Variants in ZSCAN2 observed in about 807,000 individuals in gnomAD.
ZSCAN2 encodes the protein zinc finger and SCAN domain containing 2, also known as zinc finger and SCAN domain-containing protein 2.
A neutral mutation model predicts 47.8 loss-of-function variants in ZSCAN2; 26 were observed. The observed-to-expected ratio is 0.54, with a 90% CI of 0.40 to 0.75. The LOEUF (loss-of-function observed/expected upper bound fraction) is 0.75, where lower values mean the gene tolerates loss of function less well. Ranked by LOEUF, ZSCAN2 falls within the 30% of genes least tolerant of loss-of-function variation. The probability of loss-of-function intolerance (pLI) is 0.00; values close to 1 mark genes in which losing one functional copy is unlikely to be tolerated. For missense variants in ZSCAN2, 732 were observed against 785.4 expected, an observed-to-expected ratio of 0.93 and a Z score of 0.81; for synonymous variants, 305 against 288.7, an observed-to-expected ratio of 1.06 and a Z score of -0.57.
chr15:84,609,798 C>T (rs1016446082), intron 2 of ZSCAN2, among the ~76,000 whole-genome samples: 3 of 152,190 alleles, frequency 2.0e-5, no homozygotes, highest in Admixed American at 2.0e-4. Flanking sequence ...GGGTAGGACA[C>T]AATCAGGCAG....
chr15:84,623,387 C>A lies in ZSCAN2; in HGVS notation c.*1347C>A. 5.3e-6 allele frequency: 1 copy of A among 190,220 alleles called. No individual in the cohort carries two copies. Among genetic ancestry groups the A allele is most frequent in the Non-Finnish European group, 1.2e-5 (1 of 80,260 alleles). 11.8% of individuals were successfully genotyped at this position (190,220 alleles called of 1,614,324 possible). Reference sequence around the variant, plus strand: ...GATTACAGGCGTGAGCCAGCGCACCCGGCCAAGAACATTATTTTTAAAGAA... The same window carrying A: ...GATTACAGGCGTGAGCCAGCGCACCAGGCCAAGAACATTATTTTTAAAGAA... On this transcript the variant is annotated 3_prime_UTR_variant, in exon 3 of 3. Transcript: ENST00000546148.
chr15:84,606,845 T>G, intron 2 of ZSCAN2: 1 of 1,218,406 alleles, frequency 8.2e-7, no homozygotes, highest in Non-Finnish European at 1.0e-6. Flanking sequence ...AGATTGTCTT[T>G]GTTGGTCTTT....
intron 2 of ZSCAN2, among the ~76,000 whole-genome samples, chr15:84,612,523 AG>A: frequency 6.6e-6 from 1 of 152,324 alleles, no homozygotes; most frequent in East Asian, 1.9e-4. Context: ...TCACGAGGTC[AG>A]GAGATCGAGA....
chr15:84,606,540 G>T (rs2271433), intron 2 of ZSCAN2: 1,392,849 of 1,613,110 alleles, frequency 0.86, 602,403 homozygotes, highest in African/African-American at 0.97. Context: ...TGTAGCTGTC[G>T]TTGCTTCCCT....
At chr15:84,615,140 G>C (rs1416717920) in intron 2 of ZSCAN2, among the ~76,000 whole-genome samples, 5 of 152,032 alleles carry the variant, frequency 3.3e-5, no homozygotes. Flanking sequence ...TTTTTTAGTA[G>C]AGACGGGGTT....
At chr15:84,601,690 A>G (rs1202118252) in intron 1 of ZSCAN2, among the ~76,000 whole-genome samples, 1 of 149,990 alleles carries the variant, frequency 6.7e-6, no homozygotes, top group Non-Finnish European at 1.5e-5. Flanking sequence ...AGTCTTTATG[A>G]TGTAGTAATG....
intron 1 of ZSCAN2, chr15:84,602,379 C>T (rs1004853001): frequency 2.6e-5 from 4 of 152,058 alleles, no homozygotes; most frequent in African/African-American, 9.7e-5. Flanking sequence ...TAATCTTTGT[C>T]AATATAATTT....
chr15:84,619,243 A>C (rs572214551), intron 2 of ZSCAN2, among the ~76,000 whole-genome samples: 1 of 152,144 alleles, frequency 6.6e-6, no homozygotes, highest in Non-Finnish European at 1.5e-5. Context: ...CATCCTGGCT[A>C]ACATGGTGAA....
rs746428632 is a variant in ZSCAN2, at chr15:84,621,673, A to G, written c.1478A>G (p.Gln493Arg). The stretch of plus-strand genomic sequence containing the variant: ...TGGAGCTCCAACCTCCTCAAGCACC[A>G]GAGGATCCACACGGGAGAGAAACCC... ...FSWSSNLLKHQRIHTGEKPYK... is the reference protein window; with the variant it reads ...FSWSSNLLKHRRIHTGEKPYK... The change falls in exon 3 of 3, where the codon CAG (glutamine) becomes CGG (arginine). Residue 493 changes from glutamine to arginine, a missense_variant. Coordinates refer to ENST00000546148, the MANE Select transcript of ZSCAN2 (RefSeq NM_181877.4). This position sits in a 1 kb window ranked among gnomAD's most constrained non-coding sequence, Gnocchi z 5.7. 6.2e-7 allele frequency: 1 copy of G among 1,611,212 alleles called. No homozygotes were observed. The highest frequency in any genetic ancestry group is 8.5e-7 in the Non-Finnish European group (1 of 1,179,228).
At chr15:84,619,248 G>A (rs921301987) in intron 2 of ZSCAN2, among the ~76,000 whole-genome samples, 3 of 152,066 alleles carry the variant, frequency 2.0e-5, no homozygotes, top group East Asian at 1.9e-4. Context: ...TGGCTAACAT[G>A]GTGAAACCCC....
chr15:84,611,922 T>G (rs1372699686), intron 2 of ZSCAN2: 1 of 152,236 alleles, frequency 6.6e-6, no homozygotes, highest in Non-Finnish European at 1.5e-5. Context: ...AAAAAAATTT[T>G]TTTTTAATTC....
At chr15:84,604,396 G>T in intron 2 of ZSCAN2, 63 bp downstream of exon 2, 2 of 1,528,740 alleles carry the variant, frequency 1.3e-6, no homozygotes, top group Non-Finnish European at 8.8e-7. Context: ...GGAGTGTGGT[G>T]TTTCGGAGGA....
intron 2 of ZSCAN2, chr15:84,606,567 A>G (rs1287840181): frequency 6.2e-7 from 1 of 1,613,956 alleles, no homozygotes; most frequent in East Asian, 2.2e-5. Context: ...GGAGGTGACC[A>G]GTTTGTAATG....
intron 2 of ZSCAN2, among the ~76,000 whole-genome samples, chr15:84,619,629 T>C (rs1895771054): frequency 6.6e-6 from 1 of 152,128 alleles, no homozygotes; most frequent in Admixed American, 6.6e-5. Context: ...AAGAAATTAT[T>C]ATATAAGCTC....
At position 84,621,444 on chromosome 15, in the gene ZSCAN2, C is replaced by G; in HGVS notation, c.1249C>G (p.Pro417Ala). The part of the protein sequence containing the change: ...THRRTHTGEK[P>A]YQCSECGKSF... ...CCGGAGAACCCACACAGGAGAGAAA[C>G]CCTACCAGTGCAGCGAGTGTGGGAA... The change falls in exon 3 of 3, where the codon CCC becomes GCC. Residue 417 changes from proline (P) to alanine (A), a missense_variant. Physicochemically the swap from Pro to Ala is conservative, Grantham distance 27. Around this residue, in one of 2 missense-constraint regions of ZSCAN2, gnomAD observed 412 missense variants for 498.0 expected, o/e 0.83. Coordinates refer to ENST00000546148, the MANE Select transcript of ZSCAN2 (RefSeq NM_181877.4). This position sits in a 1 kb window ranked among gnomAD's most constrained non-coding sequence, Gnocchi z 5.7. 6.2e-7 allele frequency: 1 copy of G among 1,614,130 alleles called. No homozygotes were observed. Among genetic ancestry groups the G allele is most frequent in the Non-Finnish European group, 8.5e-7 (1 of 1,180,032 alleles).
At chr15:84,602,357 A>AT (rs935362233) in intron 1 of ZSCAN2, 2 of 152,134 alleles carry the variant, frequency 1.3e-5, no homozygotes, top group African/African-American at 4.8e-5. Flanking sequence ...ATTATCTTAA[A>AT]TCATTAATGA....
chr15:84,622,544 C>T lies in ZSCAN2; in HGVS notation c.*504C>T, dbSNP rs1895839164. 4 of 707,670 alleles carry T rather than the reference C, an allele frequency of 5.7e-6. No individual in the cohort carries two copies. The highest frequency in any genetic ancestry group is 3.0e-5 in the South Asian group (2 of 66,190). 43.8% of individuals were successfully genotyped at this position (707,670 alleles called of 1,614,324 possible). A position where few individuals can be genotyped will look rare whatever the true frequency, so the allele number is the denominator to read the frequency against. On this transcript the variant is annotated 3_prime_UTR_variant, in exon 3 of 3. Coordinates refer to ENST00000546148, the MANE Select transcript of ZSCAN2 (RefSeq NM_181877.4). ...CCCAAGCTGTCAGTTAGAATCTGCT[C>T]TTCTGGCTTTGGTGTCTTGGGCTTT...
intron 2 of ZSCAN2, among the ~76,000 whole-genome samples, chr15:84,620,250 A>C (rs1346536953): frequency 2.0e-5 from 3 of 152,178 alleles, no homozygotes; most frequent in Non-Finnish European, 4.4e-5. Context: ...AATTCCATTC[A>C]TGTCCCTGCA....
Position 84,604,003 on chromosome 15 carries a change from CAGG to C in ZSCAN2, c.86_88del (p.Glu29del), listed in dbSNP as rs745946681. 3 of 1,613,956 alleles carry C rather than the reference CAGG, an allele frequency of 1.9e-6. No individual in the cohort carries two copies. In the East Asian group the frequency reaches 6.7e-5, roughly 36 times the overall value. Reference sequence around the variant, plus strand: ...CCAGGTGCCTCAAGAGGAAGATAGACAGGAGGAGGAGGTCACCACCATGATCCT... The same window carrying C: ...CCAGGTGCCTCAAGAGGAAGATAGACAGGAGGAGGTCACCACCATGATCCT... On this transcript the variant is annotated inframe_deletion, in exon 2 of 3. Transcript: ENST00000546148.
Sources: gnomAD v4.1 joint callset for allele counts (sites outside exome capture counted in the v4.1 genomes callset) on GRCh38, gnomAD v4.1.1 for gene constraint, gnomAD v4.1.1 regional missense constraint, Gnocchi (gnomAD v3.1) non-coding constraint, MANE v1.5 for transcripts, NCBI Gene and HGNC (gene_info 2026-07-23, HGNC 2026-07-21) for gene names.